Variants in COPG2 observed in about 807,000 individuals in gnomAD.
The protein encoded by COPG2 is coat protein complex I subunit gamma 2, also known as coatomer subunit gamma-2.
In COPG2, 37 loss-of-function variants were observed where a neutral mutation model predicts 46.3. That is an observed-to-expected ratio of 0.80 (90% confidence interval 0.61 to 1.05). The LOEUF (loss-of-function observed/expected upper bound fraction) is 1.05. Ranked by LOEUF, COPG2 falls within the 50% of genes least tolerant of loss-of-function variation. The pLI is 0.00. For missense variants in COPG2, 427 were observed against 387.8 expected (o/e 1.10, Z -0.85); for synonymous variants, 159 against 129.7 (o/e 1.23, Z -1.53).
At chr7:130,635,962 C>T (rs1285085766) in intron 5 of COPG2, among the ~76,000 whole-genome samples, 2 of 152,122 alleles carry the variant, frequency 1.3e-5, no homozygotes, top group Non-Finnish European at 2.9e-5. Flanking sequence ...TCATTATTTA[C>T]CCAGTAGTCA....
intron 21 of COPG2, 58 bp from the exon 22 acceptor site, chr7:130,507,881 A>C (rs1367237537): frequency 6.0e-5 from 46 of 763,660 alleles, no homozygotes; most frequent in African/African-American, 1.0e-4. Flanking sequence ...GGCAAAGATA[A>C]AGGAACTAGT....
In COPG2 at chr7:130,506,484, A is replaced by AG. The variant is rs1328333816; in HGVS notation, c.*191dup. The AG allele has an allele frequency of 2.6e-6, 1 of 387,730 alleles. No individual in the cohort carries two copies. Among genetic ancestry groups the AG allele is most frequent in the African/African-American group, 2.2e-5 (1 of 45,250 alleles). The allele number at this position is 387,730 out of a possible 1,614,324, so 24.0% of individuals were successfully genotyped here. A position where few individuals can be genotyped will look rare whatever the true frequency, so the allele number is the denominator to read the frequency against. ...CCAAAGCTGACCAAGTAGAATAAAA[A>AG]GAAAAAAAAAAAAAAACAACCCATG... On this transcript the variant is annotated 3_prime_UTR_variant, in exon 24 of 24. Transcript: ENST00000425248.
chr7:130,536,525 C>A (rs1050741396), intron 20 of COPG2, among the ~76,000 whole-genome samples: 6 of 152,224 alleles, frequency 3.9e-5, no homozygotes, highest in Non-Finnish European at 8.8e-5. Flanking sequence ...AGAAGAAACC[C>A]AGCCCAAAAG....
At chr7:130,542,217 T>C (rs1294581819) in intron 20 of COPG2, among the ~76,000 whole-genome samples, 1 of 147,730 alleles carries the variant, frequency 6.8e-6, no homozygotes, top group Non-Finnish European at 1.5e-5. Flanking sequence ...AAGTGTTTGA[T>C]GCAGGTCATG....
intron 9 of COPG2, among the ~76,000 whole-genome samples, chr7:130,574,146 TA>T (rs1395858252): frequency 6.6e-6 from 1 of 152,152 alleles, no homozygotes; most frequent in Admixed American, 6.5e-5. Flanking sequence ...AATGAACAAG[TA>T]AACAAAATTT....
In COPG2 at chr7:130,593,565, C is replaced by T. The variant is rs570890754; in HGVS notation, c.737+17388G>A. On this transcript the variant is annotated intron_variant, in intron 9 of 23. Coordinates refer to ENST00000425248, the MANE Select transcript of COPG2 (RefSeq NM_012133.6). ...ATAATAAGGTGGAGTGTTGCTGGCA[C>T]ATAAACAGAAATAAAAAGCAGTGGT... Among the ~76,000 whole-genome samples, 98 of 152,178 alleles carry T rather than the reference C, an allele frequency of 6.4e-4. 1 individual carries two copies. The highest frequency in any genetic ancestry group is 2.3e-3 in the African/African-American group (95 of 41,538).
intron 9 of COPG2, among the ~76,000 whole-genome samples, chr7:130,588,563 G>A (rs1324974006): frequency 2.6e-5 from 4 of 152,068 alleles, no homozygotes; most frequent in South Asian, 2.1e-4. Context: ...ACCAAACACC[G>A]CATGTTCTTG....
Position 130,612,169 on chromosome 7 carries a change from C to T in COPG2, c.562G>A (p.Asp188Asn). Residue 188 changes from aspartate to asparagine, a missense_variant, in exon 8 of 24, where the codon GAT becomes AAT. Asp to Asn is a conservative substitution (Grantham distance 23). Transcript: ENST00000425248. ...GACAATACCTGGACCATAATATTAT[C>T]ACTTGATGCAGCTTCTTGGGCTTCA... is the stretch of plus-strand genomic sequence containing the variant. ...INEAQEAASS[D>N]NIMVQYHALG... 6.2e-7 allele frequency: 1 copy of T among 1,610,124 alleles called. No individual in the cohort carries two copies. The highest frequency in any genetic ancestry group is 8.5e-7 in the Non-Finnish European group (1 of 1,177,494).
At chr7:130,519,571 T>C (rs1378481268) in intron 20 of COPG2, among the ~76,000 whole-genome samples, 1 of 152,076 alleles carries the variant, frequency 6.6e-6, no homozygotes, top group Non-Finnish European at 1.5e-5. Context: ...TGTAAGGAGT[T>C]TGCAGCCAAA....
At chr7:130,603,721 CA>C (rs782190006) in intron 9 of COPG2, 28,466 of 200,064 alleles carry the variant, frequency 0.14, 3 homozygotes, top group Middle Eastern at 0.18. Flanking sequence ...AACTCAGTCT[CA>C]AAAAAAAAAA....
chr7:130,576,209 G>C (rs1256259880), intron 9 of COPG2, among the ~76,000 whole-genome samples: 2 of 152,054 alleles, frequency 1.3e-5, no homozygotes, highest in African/African-American at 4.8e-5. Context: ...CTATACCTTC[G>C]AACAAATGGA....
At chr7:130,576,024 T>C (rs192458123) in intron 9 of COPG2, among the ~76,000 whole-genome samples, 1 of 152,156 alleles carries the variant, frequency 6.6e-6, no homozygotes, top group East Asian at 1.9e-4. Context: ...AATATCACAA[T>C]CCTAAACATA....
intron 4 of COPG2, among the ~76,000 whole-genome samples, chr7:130,660,553 G>T (rs1297348042): frequency 6.6e-6 from 1 of 152,086 alleles, no homozygotes; most frequent in Non-Finnish European, 1.5e-5. Flanking sequence ...ACCATTGCTG[G>T]TTGTCCATTA....
intron 23 of COPG2, among the ~76,000 whole-genome samples, chr7:130,507,022 A>G (rs1408841645): frequency 2.0e-5 from 3 of 152,238 alleles, no homozygotes; most frequent in Non-Finnish European, 4.4e-5. Flanking sequence ...AAAAATACCA[A>G]TTTGGAGTAC....
In COPG2 at chr7:130,616,971, A is replaced by G; in HGVS notation, c.399+19T>C. Reference sequence around the variant, plus strand: ...AACATAGTGTTCCATTTGGTAACTCAGTGAAACAGATAACTTACATCGGTG... The same window carrying G: ...AACATAGTGTTCCATTTGGTAACTCGGTGAAACAGATAACTTACATCGGTG... On this transcript the variant is annotated intron_variant, in intron 6 of 23. Coordinates refer to ENST00000425248, the MANE Select transcript of COPG2 (RefSeq NM_012133.6). 3 of 1,554,666 alleles carry G rather than the reference A, an allele frequency of 1.9e-6. No homozygotes were observed. The highest frequency in any genetic ancestry group is 2.3e-5 in the East Asian group (1 of 44,174).
At chr7:130,587,773 A>G (rs1030987608) in intron 9 of COPG2, among the ~76,000 whole-genome samples, 8 of 152,280 alleles carry the variant, frequency 5.3e-5, no homozygotes, top group South Asian at 2.1e-4. Context: ...CAATGGCAAC[A>G]AAAGCCAAAA....
intron 9 of COPG2, among the ~76,000 whole-genome samples, chr7:130,606,897 T>C (rs1383764396): frequency 1.3e-5 from 2 of 152,242 alleles, no homozygotes; most frequent in African/African-American, 4.8e-5. Flanking sequence ...CTTAGCTCTT[T>C]TTGTCGTTTC....
intron 9 of COPG2, chr7:130,610,389 G>T: frequency 2.8e-6 from 1 of 354,404 alleles, no homozygotes; most frequent in African/African-American, 2.1e-5. Context: ...CAGTTTGCCA[G>T]GCCACATAAG....
chr7:130,513,341 A>ATATATATATATATG (rs1215646008), intron 20 of COPG2, among the ~76,000 whole-genome samples: 13 of 51,528 alleles, frequency 2.5e-4, no homozygotes, highest in African/African-American at 5.6e-4. Flanking sequence ...ATATATATAT[A>ATATATATATATATG]TGTGTGTGTG....
Sources: allele counts gnomAD v4.1 joint callset (sites outside exome capture counted in the v4.1 genomes callset), GRCh38; gene constraint gnomAD v4.1.1; transcripts MANE v1.5; gene names NCBI Gene and HGNC (gene_info 2026-07-23, HGNC 2026-07-21).